Variants in CDH4 observed in about 807,000 individuals in gnomAD.
CDH4 encodes the protein cadherin 4, also known as cadherin-4.
CDH4 carries 33 observed loss-of-function variants against 86.0 expected under a neutral mutation model. The observed-to-expected ratio is 0.38, with a 90% CI of 0.29 to 0.51. The LOEUF is 0.51. Among genes scored for constraint, CDH4 ranks in the 20% least tolerant of loss-of-function variants. CDH4 has a pLI of 0.86. For missense variants in CDH4, 1,114 were observed against 1,307.4 expected (o/e 0.85, Z 2.28); for synonymous variants, 555 against 549.4 (o/e 1.01, Z -0.14).
rs561041990 is a variant in CDH4 at position 61,624,137 on chromosome 20, A to C, written c.170-119426A>C. On this transcript the variant is annotated intron_variant, in intron 2 of 15. Coordinates refer to ENST00000614565, the MANE Select transcript of CDH4 (RefSeq NM_001794.5). ...GGTTCACAGCTCAGAAGGCTGCTAG[A>C]AGGGTAAAACTCCATGACCCAAGCA... Among the ~76,000 whole-genome samples the C allele has an allele frequency of 4.6e-5, 7 of 152,284 alleles. No homozygotes were observed. In the South Asian group the frequency reaches 1.5e-3, roughly 32 times the overall value.
At chr20:61,254,968 AT>A (rs1365337481) in intron 2 of CDH4, 31 bp downstream of exon 2, 1 of 1,222,264 alleles carries the variant, frequency 8.2e-7, no homozygotes, top group Non-Finnish European at 1.2e-6. Flanking sequence ...GTGGGAGTGA[AT>A]TGCTGCCATG....
At chr20:61,296,376 T>C (rs2084354891) in intron 2 of CDH4, among the ~76,000 whole-genome samples, 1 of 151,876 alleles carries the variant, frequency 6.6e-6, no homozygotes, top group South Asian at 2.1e-4. Flanking sequence ...CCTGACTCTT[T>C]TCTCAGCACT....
At chr20:61,508,380 C>A (rs1016280709) in intron 2 of CDH4, among the ~76,000 whole-genome samples, 6 of 152,262 alleles carry the variant, frequency 3.9e-5, no homozygotes, top group African/African-American at 1.4e-4. Context: ...TGCACACTTT[C>A]AGCCACACGG....
chr20:61,585,517 G>A (rs560294053), intron 2 of CDH4, among the ~76,000 whole-genome samples: 4 of 152,234 alleles, frequency 2.6e-5, no homozygotes, highest in Non-Finnish European at 5.9e-5. Flanking sequence ...TTTAGAGGAA[G>A]CTTTATCTTT....
chr20:61,713,807 C>T (rs969917096), intron 2 of CDH4, among the ~76,000 whole-genome samples: 3 of 152,160 alleles, frequency 2.0e-5, no homozygotes, highest in South Asian at 2.1e-4. Flanking sequence ...GCAGCCCCTA[C>T]GTGGTTACTG....
chr20:61,252,980 C>G lies in CDH4; in HGVS notation c.57+410C>G, dbSNP rs1183409896. 6.6e-6 allele frequency among the ~76,000 whole-genome samples: 1 copy of G among 151,772 alleles called. No homozygotes were observed. The highest frequency in any genetic ancestry group is 1.5e-5 in the Non-Finnish European group (1 of 67,910). ...CCGCGGGAGTTGCCGAGCCCAGCCC[C>G]GGCCGTGGCTGAAGGCGTGGGGCGC... is the stretch of plus-strand genomic sequence containing the variant. On this transcript the variant is annotated intron_variant, in intron 1 of 15. Coordinates refer to ENST00000614565, the MANE Select transcript of CDH4 (RefSeq NM_001794.5). This position sits in a 1 kb window ranked among gnomAD's most constrained non-coding sequence, Gnocchi z 4.4.
rs1411135326 is a variant in CDH4, at chr20:61,510,951, G to A, written c.170-232612G>A. Among the ~76,000 whole-genome samples the A allele has an allele frequency of 6.6e-6, 1 of 151,924 alleles. No individual in the cohort carries two copies. The highest frequency in any genetic ancestry group is 1.5e-5 in the Non-Finnish European group (1 of 67,998). The stretch of plus-strand genomic sequence containing the variant: ...AAAATGAAAGCAGGAGTGAGAGAGA[G>A]AGAGAAAGTTGGGGGCGGCTGTCTC... On this transcript the variant is annotated intron_variant, in intron 2 of 15. Coordinates refer to ENST00000614565, the MANE Select transcript of CDH4 (RefSeq NM_001794.5). This position sits in a 1 kb window ranked among gnomAD's most constrained non-coding sequence, Gnocchi z 4.2.
chr20:61,333,925 T>TG (rs1363303510), intron 2 of CDH4, among the ~76,000 whole-genome samples: 1 of 152,120 alleles, frequency 6.6e-6, no homozygotes, highest in Non-Finnish European at 1.5e-5. Flanking sequence ...ATGAGGTGAC[T>TG]GGGTGGGAGG....
At chr20:61,835,171 C>G (rs1981808076) in intron 4 of CDH4, among the ~76,000 whole-genome samples, 1 of 152,122 alleles carries the variant, frequency 6.6e-6, no homozygotes, top group South Asian at 2.1e-4. Flanking sequence ...CCGCCTCAGC[C>G]CCCTGAGCAT....
chr20:61,839,275 C>T (rs149799253), intron 4 of CDH4, among the ~76,000 whole-genome samples: 3 of 151,998 alleles, frequency 2.0e-5, no homozygotes, highest in Admixed American at 6.6e-5. Context: ...GATATCCCGC[C>T]GGGTGTGCAT....
chr20:61,913,141 C>T (rs1394999245), intron 9 of CDH4, among the ~76,000 whole-genome samples: 1 of 152,186 alleles, frequency 6.6e-6, no homozygotes, highest in Non-Finnish European at 1.5e-5. Context: ...GCCCCCGGCC[C>T]CAGGAGATCA....
At chr20:61,494,035 A>C (rs1425454257) in intron 2 of CDH4, among the ~76,000 whole-genome samples, 3 of 152,232 alleles carry the variant, frequency 2.0e-5, no homozygotes, top group Non-Finnish European at 4.4e-5. Flanking sequence ...CTGCCAGACA[A>C]AGAGCAGGCT....
At chr20:61,763,257 G>A (rs375800515) in intron 3 of CDH4, among the ~76,000 whole-genome samples, 2 of 151,654 alleles carry the variant, frequency 1.3e-5, no homozygotes, top group Admixed American at 1.3e-4. Context: ...AGGGATGCTC[G>A]CTCTTCCTCA....
chr20:61,896,713 C>G (rs1985142881), intron 8 of CDH4, among the ~76,000 whole-genome samples: 1 of 152,238 alleles, frequency 6.6e-6, no homozygotes, highest in East Asian at 1.9e-4. Context: ...TTGCTCTCTT[C>G]CGGCCAGTGA....
chr20:61,813,974 G>A (rs754640512), intron 4 of CDH4, among the ~76,000 whole-genome samples: 2 of 152,194 alleles, frequency 1.3e-5, no homozygotes, highest in Admixed American at 6.5e-5. Flanking sequence ...GAGTCCATAC[G>A]TGTCTGGTGC....
intron 2 of CDH4, among the ~76,000 whole-genome samples, chr20:61,345,990 C>T (rs931644183): frequency 6.6e-6 from 1 of 152,200 alleles, no homozygotes; most frequent in Non-Finnish European, 1.5e-5. Flanking sequence ...CTTCCTCATG[C>T]GGGTGGCACT....
intron 7 of CDH4, among the ~76,000 whole-genome samples, chr20:61,875,242 G>A (rs576182225): frequency 6.6e-6 from 1 of 152,338 alleles, no homozygotes; most frequent in East Asian, 1.9e-4. Context: ...ACCCGTCTCT[G>A]TCCCTGGGAA....
chr20:61,757,818 G>C (rs117891266), intron 3 of CDH4, among the ~76,000 whole-genome samples: 1,819 of 152,296 alleles, frequency 0.012, 16 homozygotes, highest in Admixed American at 0.016. Context: ...TACAGACTCT[G>C]TGTCACCTCC....
chr20:61,590,511 T>C (rs1379231802), intron 2 of CDH4, among the ~76,000 whole-genome samples: 2 of 152,148 alleles, frequency 1.3e-5, no homozygotes, highest in African/African-American at 4.8e-5. Context: ...CTTTCTTCTT[T>C]ATAGAAAATA....
Sources: allele counts gnomAD v4.1 joint callset (sites outside exome capture counted in the v4.1 genomes callset), GRCh38; gene constraint gnomAD v4.1.1; non-coding constraint Gnocchi (gnomAD v3.1); transcripts MANE v1.5; gene names NCBI Gene and HGNC (gene_info 2026-07-23, HGNC 2026-07-21).